Variants in RABGAP1L observed in about 807,000 individuals in gnomAD.
The protein encoded by RABGAP1L is rab GTPase-activating protein 1-like.
RABGAP1L carries 63 observed loss-of-function variants against 137.7 expected under a neutral mutation model. The ratio of observed to expected loss-of-function variants is 0.46; its 90% CI spans 0.37 to 0.56. The LOEUF is 0.56. RABGAP1L is among the 20% of genes least tolerant of loss of function. The pLI, the probability that RABGAP1L is intolerant of heterozygous loss-of-function variation, is 0.00. For synonymous variants in RABGAP1L, 431 were observed against 433.7 expected (o/e 0.99, Z 0.08); for missense variants, 1,095 against 1,244.0 (o/e 0.88, Z 1.80).
At chr1:174,928,233 C>A (rs1228123147) in intron 19 of RABGAP1L, among the ~76,000 whole-genome samples, 1 of 152,256 alleles carries the variant, frequency 6.6e-6, no homozygotes, top group East Asian at 1.9e-4. Context: ...CCCAGCCAAG[C>A]CTTATCTACC....
At chr1:174,616,348 G>T (rs558337465) in intron 13 of RABGAP1L, among the ~76,000 whole-genome samples, 5 of 152,346 alleles carry the variant, frequency 3.3e-5, no homozygotes, top group East Asian at 1.9e-4. Context: ...GATGTTGGGA[G>T]AGAATTTAAA....
At chr1:174,841,147 A>C (rs948487274) in intron 19 of RABGAP1L, among the ~76,000 whole-genome samples, 3 of 152,194 alleles carry the variant, frequency 2.0e-5, no homozygotes, top group African/African-American at 7.2e-5. Flanking sequence ...CCCAAATAAA[A>C]TAATGAAGTC....
chr1:174,916,886 C>T (rs897299426), intron 19 of RABGAP1L, among the ~76,000 whole-genome samples: 2 of 152,174 alleles, frequency 1.3e-5, no homozygotes, highest in East Asian at 1.9e-4. Flanking sequence ...TTAGTCAACT[C>T]GGACTGCCAT....
At chr1:174,916,401 G>A (rs1021924099) in intron 19 of RABGAP1L, among the ~76,000 whole-genome samples, 14 of 151,964 alleles carry the variant, frequency 9.2e-5, no homozygotes, top group African/African-American at 2.2e-4. Context: ...CTTAAATATC[G>A]CTGAAAAGAG....
chr1:174,680,896 C>A (rs201552714), intron 14 of RABGAP1L, among the ~76,000 whole-genome samples: 13,352 of 151,276 alleles, frequency 0.088, 805 homozygotes, highest in East Asian at 0.22. Flanking sequence ...CCAAAAAAAA[C>A]AAAAAACAAA....
intron 13 of RABGAP1L, among the ~76,000 whole-genome samples, chr1:174,555,717 A>G (rs1417994034): frequency 6.6e-6 from 1 of 152,178 alleles, no homozygotes; most frequent in Admixed American, 6.5e-5. Context: ...GATAGTCTCA[A>G]AGGTGATGGA....
At chr1:174,391,979 A>G (rs946341570) in intron 12 of RABGAP1L, among the ~76,000 whole-genome samples, 2 of 152,186 alleles carry the variant, frequency 1.3e-5, no homozygotes, top group East Asian at 3.8e-4. Flanking sequence ...TTTTATGACT[A>G]ATCCTGGCTC....
chr1:174,575,784 G>T (rs1209982662), intron 13 of RABGAP1L, among the ~76,000 whole-genome samples: 1 of 152,112 alleles, frequency 6.6e-6, no homozygotes. Context: ...TCGGCAGGTC[G>T]ATAAATAATA....
intron 14 of RABGAP1L, among the ~76,000 whole-genome samples, chr1:174,645,964 A>G (rs1387424212): frequency 2.0e-5 from 3 of 152,098 alleles, no homozygotes; most frequent in African/African-American, 4.8e-5. Flanking sequence ...ACCAATTATA[A>G]TGAGCTTTTT....
intron 11 of RABGAP1L, among the ~76,000 whole-genome samples, chr1:174,321,051 C>T (rs1679923083): frequency 6.6e-6 from 1 of 152,000 alleles, no homozygotes; most frequent in Non-Finnish European, 1.5e-5. Context: ...GAATGCGTTC[C>T]TAGGGGGAGG....
intron 10 of RABGAP1L, among the ~76,000 whole-genome samples, chr1:174,283,160 T>C (rs746969291): frequency 5.9e-5 from 9 of 152,014 alleles, no homozygotes; most frequent in Non-Finnish European, 1.0e-4. Context: ...CCCAGTACTT[T>C]GGGAGGTTGA....
At chr1:174,237,111 C>G (rs1373505541) in intron 4 of RABGAP1L, among the ~76,000 whole-genome samples, 1 of 150,578 alleles carries the variant, frequency 6.6e-6, no homozygotes, top group Non-Finnish European at 1.5e-5. Flanking sequence ...TTTTTGTTTT[C>G]CATTTGCTTG....
chr1:174,239,838 T>C (rs1439730029), intron 4 of RABGAP1L, among the ~76,000 whole-genome samples: 1 of 152,208 alleles, frequency 6.6e-6, no homozygotes, highest in Non-Finnish European at 1.5e-5. Context: ...CTTTAATCTT[T>C]TAAAAACCCT....
intron 13 of RABGAP1L, among the ~76,000 whole-genome samples, chr1:174,600,793 A>C (rs1670346198): frequency 1.3e-5 from 2 of 152,182 alleles, no homozygotes; most frequent in South Asian, 4.1e-4. Flanking sequence ...TTTTCCAGGC[A>C]CATGGTGCAA....
At chr1:174,696,328 G>A (rs1679256165) in intron 15 of RABGAP1L, among the ~76,000 whole-genome samples, 1 of 151,910 alleles carries the variant, frequency 6.6e-6, no homozygotes, top group South Asian at 2.1e-4. Context: ...TATCTCCCAA[G>A]CTGCCCTGCC....
At chr1:174,349,630 G>A (rs1274025768) in intron 11 of RABGAP1L, among the ~76,000 whole-genome samples, 1 of 140,528 alleles carries the variant, frequency 7.1e-6, no homozygotes, top group Admixed American at 6.9e-5. Flanking sequence ...TGGCCGGGTG[G>A]GGGGCTGACC....
intron 18 of RABGAP1L, among the ~76,000 whole-genome samples, chr1:174,805,796 C>T (rs985439565): frequency 1.3e-5 from 2 of 152,182 alleles, no homozygotes; most frequent in Non-Finnish European, 2.9e-5. Flanking sequence ...GCCACTGCGC[C>T]CGGCCTATTA....
chr1:174,367,753 T>G (rs911635280), intron 11 of RABGAP1L: 1 of 197,546 alleles, frequency 5.1e-6, no homozygotes, highest in Non-Finnish European at 1.1e-5. Flanking sequence ...GCAAGTCCAG[T>G]GATTATCCAT....
chr1:174,233,302 A>G (rs994707306), intron 4 of RABGAP1L, among the ~76,000 whole-genome samples: 11 of 151,638 alleles, frequency 7.3e-5, no homozygotes, highest in African/African-American at 2.7e-4. Context: ...TTTAGGGTAC[A>G]TGTGCACATT....
Sources: allele counts gnomAD v4.1 joint callset (sites outside exome capture counted in the v4.1 genomes callset), GRCh38; gene constraint gnomAD v4.1.1; transcripts MANE v1.5; gene names NCBI Gene and HGNC (gene_info 2026-07-23, HGNC 2026-07-21).